The following BRINP3 variants were observed in gnomAD, a reference collection of about 807,000 sequenced individuals.
The protein encoded by BRINP3 is BMP/retinoic acid-inducible neural-specific protein 3.
Under a neutral mutation model 71.0 loss-of-function variants are expected in BRINP3, and 19 were observed. The observed-to-expected ratio is 0.27, with a 90% CI of 0.19 to 0.39. BRINP3 has a LOEUF of 0.39. Ranked by LOEUF, BRINP3 falls within the 10% of genes least tolerant of loss-of-function variation. The pLI, the probability that BRINP3 is intolerant of heterozygous loss-of-function variation, is 1.00. For synonymous variants in BRINP3, 380 were observed against 337.7 expected (o/e 1.13, Z -1.37); for missense variants, 959 against 940.8 (o/e 1.02, Z -0.25).
At chr1:190,233,952 T>C (rs1050185443) in intron 5 of BRINP3, among the ~76,000 whole-genome samples, 3 of 152,150 alleles carry the variant, frequency 2.0e-5, no homozygotes, top group African/African-American at 7.2e-5. Flanking sequence ...AAAAATACAG[T>C]CTTGACTGCC....
intron 2 of BRINP3, among the ~76,000 whole-genome samples, chr1:190,363,420 C>T (rs144809603): frequency 1.3e-4 from 19 of 151,860 alleles, no homozygotes; most frequent in Non-Finnish European, 2.2e-4. Context: ...CATTGGTAGA[C>T]GACAATAGAA....
At chr1:190,443,674 G>A (rs1674993237) in intron 2 of BRINP3, among the ~76,000 whole-genome samples, 1 of 152,030 alleles carries the variant, frequency 6.6e-6, no homozygotes, top group South Asian at 2.1e-4. Flanking sequence ...TTCCGCATTT[G>A]GCTTGCCAAA....
intron 3 of BRINP3, among the ~76,000 whole-genome samples, chr1:190,279,625 GC>G (rs1379189300): frequency 1.3e-5 from 2 of 151,732 alleles, no homozygotes; most frequent in Non-Finnish European, 2.9e-5. Flanking sequence ...ATCTGCCTTA[GC>G]CGCCTATATT....
In BRINP3 at chr1:190,322,879, A is replaced by C. The variant is rs74129282; in HGVS notation, c.237-41129T>G. On this transcript the variant is annotated intron_variant, in intron 2 of 7. Coordinates refer to ENST00000367462, the MANE Select transcript of BRINP3 (RefSeq NM_199051.3). The stretch of plus-strand genomic sequence containing the variant: ...GAGTACTCATTAAGTTTCAAGCAGT[A>C]ATGATTTCCTTCACATTAATTATCT... Among the ~76,000 whole-genome samples, 1,079 of 152,198 alleles carry C rather than the reference A, an allele frequency of 7.1e-3. 18 individuals are homozygous for C. The highest frequency in any genetic ancestry group is 0.024 in the African/African-American group (1,012 of 41,542).
intron 6 of BRINP3, among the ~76,000 whole-genome samples, chr1:190,196,720 T>C (rs777548082): frequency 7.2e-5 from 11 of 151,768 alleles, no homozygotes; most frequent in Non-Finnish European, 1.2e-4. Context: ...TCATGAAAAA[T>C]TACCCTTTGT....
chr1:190,345,183 C>T (rs1453027886), intron 2 of BRINP3, among the ~76,000 whole-genome samples: 1 of 151,724 alleles, frequency 6.6e-6, no homozygotes, highest in African/African-American at 2.4e-5. Context: ...AAAATGACCT[C>T]AATAAGTCTA....
intron 7 of BRINP3, among the ~76,000 whole-genome samples, chr1:190,134,204 G>A (rs1376235551): frequency 1.3e-5 from 2 of 152,030 alleles, no homozygotes; most frequent in Non-Finnish European, 2.9e-5. Context: ...CCTCTTCGTG[G>A]AGGTGATATT....
At chr1:190,155,775 CT>C (rs995312333) in intron 7 of BRINP3, among the ~76,000 whole-genome samples, 36 of 151,970 alleles carry the variant, frequency 2.4e-4, no homozygotes, top group African/African-American at 8.7e-4. Flanking sequence ...CACTTCCCCC[CT>C]AGCTTCCTTT....
chr1:190,233,883 T>C lies in BRINP3; in HGVS notation c.724+489A>G, dbSNP rs1238631644. Reference sequence around the variant, plus strand: ...ATAAAATCTATCTTTAAAATGGAAATCATATGAATATAAATATTTTGTTAA... The same window carrying C: ...ATAAAATCTATCTTTAAAATGGAAACCATATGAATATAAATATTTTGTTAA... On this transcript the variant is annotated intron_variant, in intron 5 of 7. Coordinates refer to ENST00000367462, the MANE Select transcript of BRINP3 (RefSeq NM_199051.3). 2.0e-5 allele frequency among the ~76,000 whole-genome samples: 3 copies of C among 152,288 alleles called. No homozygotes were observed. In the South Asian group the frequency reaches 6.2e-4, roughly 32 times the overall value.
chr1:190,167,711 T>A (rs953700926), intron 6 of BRINP3, among the ~76,000 whole-genome samples: 1 of 152,136 alleles, frequency 6.6e-6, no homozygotes, highest in Non-Finnish European at 1.5e-5. Flanking sequence ...AGGGTAGATA[T>A]GTAGGATGAC....
At chr1:190,331,620 A>G (rs1042814305) in intron 2 of BRINP3, among the ~76,000 whole-genome samples, 2 of 152,062 alleles carry the variant, frequency 1.3e-5, no homozygotes, top group African/African-American at 4.8e-5. Flanking sequence ...TTCCTTTCAG[A>G]CATGGTTTGT....
intron 2 of BRINP3, among the ~76,000 whole-genome samples, chr1:190,420,563 A>T (rs1352362374): frequency 3.3e-5 from 5 of 152,008 alleles, no homozygotes; most frequent in Non-Finnish European, 2.9e-5. Flanking sequence ...GGACTACATC[A>T]TTTCTAATTA....
At chr1:190,407,350 G>A (rs1391004476) in intron 2 of BRINP3, among the ~76,000 whole-genome samples, 1 of 152,048 alleles carries the variant, frequency 6.6e-6, no homozygotes, top group Admixed American at 6.6e-5. Flanking sequence ...ACACCTACAG[G>A]AGATGAGTGT....
intron 5 of BRINP3, among the ~76,000 whole-genome samples, chr1:190,229,998 G>T (rs1657808536): frequency 6.6e-6 from 1 of 151,760 alleles, no homozygotes; most frequent in South Asian, 2.1e-4. Flanking sequence ...AAATCAAGTG[G>T]CTATTTTACA....
intron 3 of BRINP3, among the ~76,000 whole-genome samples, chr1:190,280,714 G>T (rs949331417): frequency 6.6e-6 from 1 of 151,836 alleles, no homozygotes; most frequent in African/African-American, 2.4e-5. Context: ...AGAAAGCAGG[G>T]ATTCACTCTT....
At chr1:190,368,450 G>C (rs963220757) in intron 2 of BRINP3, among the ~76,000 whole-genome samples, 1 of 151,906 alleles carries the variant, frequency 6.6e-6, no homozygotes, top group Non-Finnish European at 1.5e-5. Context: ...GAGTGGTTAA[G>C]TTAAATATTA....
chr1:190,372,668 T>C (rs1417043656), intron 2 of BRINP3, among the ~76,000 whole-genome samples: 1 of 152,204 alleles, frequency 6.6e-6, no homozygotes, highest in East Asian at 1.9e-4. Flanking sequence ...GACTACCATA[T>C]TACCTTGTCA....
At chr1:190,360,333 T>C (rs1669057580) in intron 2 of BRINP3, among the ~76,000 whole-genome samples, 1 of 152,180 alleles carries the variant, frequency 6.6e-6, no homozygotes. Flanking sequence ...TAATAATTTA[T>C]ACTAGAAAAG....
chr1:190,474,870 C>G (rs1445815170), intron 1 of BRINP3: 3 of 152,160 alleles, frequency 2.0e-5, no homozygotes, highest in African/African-American at 4.8e-5. Flanking sequence ...AGCACCACCC[C>G]CTCTCCGGTG....
Sources: allele counts gnomAD v4.1 joint callset (sites outside exome capture counted in the v4.1 genomes callset), GRCh38; gene constraint gnomAD v4.1.1; transcripts MANE v1.5; gene names NCBI Gene and HGNC (gene_info 2026-07-23, HGNC 2026-07-21).